Variants in CELF6 observed in about 807,000 individuals in gnomAD.
The protein encoded by CELF6 is CUGBP Elav-like family member 6.
CELF6 carries 32 observed loss-of-function variants against 53.1 expected under a neutral mutation model. The ratio of observed to expected loss-of-function variants is 0.60; its 90% CI spans 0.46 to 0.81. The LOEUF (loss-of-function observed/expected upper bound fraction) is 0.81. Among genes scored for constraint, CELF6 ranks in the 30% least tolerant of loss-of-function variants. The pLI, the probability that CELF6 is intolerant of heterozygous loss-of-function variation, is 0.00. For missense variants in CELF6, 539 were observed against 669.5 expected, an observed-to-expected ratio of 0.81 and a Z score of 2.15; for synonymous variants, 291 against 288.8, an observed-to-expected ratio of 1.01 and a Z score of -0.08.
chr15:72,313,747 A>G, intron 2 of CELF6: 1 of 982,136 alleles, frequency 1.0e-6, no homozygotes, highest in Non-Finnish European at 1.2e-6. Context: ...CAGTTCTAGA[A>G]GCAGAAGTCA....
In CELF6 at chr15:72,289,912, C is replaced by G; in HGVS notation, c.603+27G>C. 1 of 1,545,432 alleles carries G rather than the reference C, an allele frequency of 6.5e-7. No homozygotes were observed. The highest frequency in any genetic ancestry group is 8.7e-7 in the Non-Finnish European group (1 of 1,148,276). ...GCCCGTCCCCACCCCACTGGCCTCA[C>G]CCTCAGCCCAGGGAACCCGCCCTCA... On this transcript the variant is annotated intron_variant, in intron 5 of 12. Transcript: ENST00000287202. This position sits in a 1 kb window ranked among gnomAD's most constrained non-coding sequence, Gnocchi z 7.6.
At chr15:72,313,633 C>T (rs2088327923) in intron 2 of CELF6, 2 of 308,624 alleles carry the variant, frequency 6.5e-6, no homozygotes, top group Non-Finnish European at 9.5e-6. Context: ...CGTGGGCCTC[C>T]CCCACAGTGC....
chr15:72,303,584 T>G (rs966866955), intron 3 of CELF6, among the ~76,000 whole-genome samples: 24 of 152,298 alleles, frequency 1.6e-4, no homozygotes, highest in Non-Finnish European at 2.2e-4. Context: ...TGGGTTCCAT[T>G]CTGTTCCTGA....
chr15:72,288,744 T>G lies in CELF6; in HGVS notation c.1093+124A>C. The G allele has an allele frequency of 3.0e-6, 4 of 1,348,996 alleles. No individual in the cohort carries two copies. The highest frequency in any genetic ancestry group is 4.2e-6 in the Non-Finnish European group (4 of 960,320). The allele number at this position is 1,348,996 out of a possible 1,614,324, so 83.6% of individuals were successfully genotyped here. A position where few individuals can be genotyped will look rare whatever the true frequency, so the allele number is the denominator to read the frequency against. On this transcript the variant is annotated intron_variant, in intron 9 of 12. Coordinates refer to ENST00000287202, the MANE Select transcript of CELF6 (RefSeq NM_052840.5). This position sits in a 1 kb window ranked among gnomAD's most constrained non-coding sequence, Gnocchi z 4.6. ...ATAACCCTCACCCCAAGAGAGGTCGTTCTGGGGGTAGGAGGGGATGGGAGG... is the reference window on the plus strand; with the variant it reads ...ATAACCCTCACCCCAAGAGAGGTCGGTCTGGGGGTAGGAGGGGATGGGAGG...
At chr15:72,316,916 G>C (rs1016882150) in intron 1 of CELF6, among the ~76,000 whole-genome samples, 5 of 152,166 alleles carry the variant, frequency 3.3e-5, no homozygotes, top group Admixed American at 1.3e-4. Flanking sequence ...AAGTCCAAAG[G>C]GTTGAGTAAT....
chr15:72,303,448 C>T (rs905021346), intron 3 of CELF6, among the ~76,000 whole-genome samples: 5 of 152,198 alleles, frequency 3.3e-5, no homozygotes, highest in African/African-American at 1.2e-4. Context: ...GGAAGTATTT[C>T]TTGGAGGAAC....
At chr15:72,314,625 C>T (rs2088340117) in intron 2 of CELF6, among the ~76,000 whole-genome samples, 1 of 119,060 alleles carries the variant, frequency 8.4e-6, no homozygotes, top group Admixed American at 9.2e-5. Flanking sequence ...GACTGAGTCT[C>T]ACTTTGTTGC....
chr15:72,292,322 T>G, intron 3 of CELF6: 2 of 1,268,380 alleles, frequency 1.6e-6, no homozygotes, highest in Non-Finnish European at 2.2e-6. Flanking sequence ...TGGCTTTGCC[T>G]TGACATTGGA....
chr15:72,290,637 G>C (rs1210742407), intron 3 of CELF6, among the ~76,000 whole-genome samples: 1 of 152,192 alleles, frequency 6.6e-6, no homozygotes, highest in Non-Finnish European at 1.5e-5. Flanking sequence ...GTACTATTAA[G>C]GAAGCGGGTG....
intron 3 of CELF6, among the ~76,000 whole-genome samples, 184 bp downstream of exon 3, chr15:72,304,562 C>T (rs1284089262): frequency 6.6e-6 from 1 of 152,118 alleles, no homozygotes; most frequent in Non-Finnish European, 1.5e-5. Flanking sequence ...CTCCCCAGAA[C>T]CCCAGCCCTG....
intron 3 of CELF6, among the ~76,000 whole-genome samples, chr15:72,298,882 C>A (rs997348676): frequency 6.6e-6 from 1 of 151,932 alleles, no homozygotes; most frequent in Non-Finnish European, 1.5e-5. Flanking sequence ...TTATTTCTGA[C>A]CTCATATAAT....
At position 72,288,328 on chromosome 15, in the gene CELF6, G is replaced by A. The variant is rs1328873555; in HGVS notation, c.1298C>T (p.Thr433Ile). The A allele has an allele frequency of 6.2e-7, 1 of 1,614,068 alleles. No individual in the cohort carries two copies. The highest frequency in any genetic ancestry group is 8.5e-7 in the Non-Finnish European group (1 of 1,180,034). ...VSAKVFVDRA[T>I]NQSKCFGFVS... ...CTCACCAAAACACTTGCTCTGGTTG[G>A]TGGCTCGATCCACAAAGACTTTAGC... is the stretch of plus-strand genomic sequence containing the variant. The change falls in exon 11 of 13, where the codon ACC (threonine) becomes ATC (isoleucine). Residue 433 changes from threonine to isoleucine, a missense_variant. Physicochemically the swap from Thr to Ile is moderately conservative, Grantham distance 89. Transcript: ENST00000287202. This position sits in a 1 kb window ranked among gnomAD's most constrained non-coding sequence, Gnocchi z 4.6.
Position 72,287,223 on chromosome 15 carries a change from C to T in CELF6, c.*28+14G>A. The T allele has an allele frequency of 6.2e-7, 1 of 1,605,656 alleles. No individual in the cohort carries two copies. ...ACTCAGGCCTCATCTACCTGGGGTC[C>T]ATCAGGGACTCACCTTTCTGTGGCT... On this transcript the variant is annotated intron_variant, in intron 12 of 12. Coordinates refer to ENST00000287202, the MANE Select transcript of CELF6 (RefSeq NM_052840.5).
At chr15:72,294,229 G>T (rs796437256) in intron 3 of CELF6, among the ~76,000 whole-genome samples, 10 of 152,296 alleles carry the variant, frequency 6.6e-5, no homozygotes, top group African/African-American at 2.4e-4. Flanking sequence ...TTCCTAAGTT[G>T]TTCAAGTTTC....
chr15:72,289,846 A>G lies in CELF6; in HGVS notation c.604-76T>C. On this transcript the variant is annotated intron_variant, in intron 5 of 12. Transcript: ENST00000287202. The surrounding 1 kb of genome is among the most constrained non-coding windows in gnomAD (Gnocchi z 7.6). Reference sequence around the variant, plus strand: ...CCCGGGGCCGAGCGCCTTTCCCATCAGGTCCTTTCGCGGGGCACCGAGCAC... The same window carrying G: ...CCCGGGGCCGAGCGCCTTTCCCATCGGGTCCTTTCGCGGGGCACCGAGCAC... The G allele has an allele frequency of 6.7e-7, 1 of 1,493,670 alleles. No homozygotes were observed. Among genetic ancestry groups the G allele is most frequent in the Non-Finnish European group, 8.9e-7 (1 of 1,124,714 alleles). The allele number at this position is 1,493,670 out of a possible 1,614,324, so 92.5% of individuals were successfully genotyped here. A position where few individuals can be genotyped will look rare whatever the true frequency, so the allele number is the denominator to read the frequency against.
At position 72,290,024 on chromosome 15, in the gene CELF6, G is replaced by GA. The variant is rs751418072; in HGVS notation, c.524-7_524-6insT. On this transcript the variant is annotated splice_region_variant and splice_polypyrimidine_tract_variant and intron_variant, in intron 4 of 12. Transcript: ENST00000287202. ...GAACTTCACAAAGGCACAGCCTGGG[G>GA]CAGGACAGAGGGAGCGGGTGGCTCA... is the stretch of plus-strand genomic sequence containing the variant. 6.2e-7 allele frequency: 1 copy of GA among 1,611,200 alleles called. No homozygotes were observed. Among genetic ancestry groups the GA allele is most frequent in the Admixed American group, 1.7e-5 (1 of 59,714 alleles).
intron 3 of CELF6, among the ~76,000 whole-genome samples, chr15:72,300,852 A>G (rs8039620): frequency 0.97 from 147,090 of 151,616 alleles, 71,505 homozygotes; most frequent in South Asian, 1. Context: ...AAAAAAAAAA[A>G]CTCATGTGTG....
chr15:72,294,238 T>C (rs76713782), intron 3 of CELF6, among the ~76,000 whole-genome samples: 3,318 of 152,280 alleles, frequency 0.022, 69 homozygotes, highest in African/African-American at 0.052. Flanking sequence ...TGTTCAAGTT[T>C]CTTGTTTTCT....
Position 72,290,145 on chromosome 15 carries a change from G to A in CELF6, c.505C>T (p.Pro169Ser), listed in dbSNP as rs375713379. 2.2e-5 allele frequency: 35 copies of A among 1,613,974 alleles called. 2 individuals carry two copies. Among genetic ancestry groups the A allele is most frequent in the South Asian group, 1.8e-4 (16 of 91,070 alleles). The change falls in exon 4 of 13, where the codon CCT becomes TCT. Residue 169 changes from proline to serine, a missense_variant. Around this residue, in one of 3 missense-constraint regions of CELF6, gnomAD observed 97 missense variants for 168.8 expected, o/e 0.57. Coordinates refer to ENST00000287202, the MANE Select transcript of CELF6 (RefSeq NM_052840.5). The stretch of plus-strand genomic sequence containing the variant: ...AGGTCACCTTTACTGGTGCCGTCAG[G>A]ACTCCGCAGGACCGTGCACTCCTCG... ...HIEECTVLRS[P>S]DGTSKGCAFV...
Sources: allele counts gnomAD v4.1 joint callset (sites outside exome capture counted in the v4.1 genomes callset), GRCh38; gene constraint gnomAD v4.1.1; regional missense constraint gnomAD v4.1.1; non-coding constraint Gnocchi (gnomAD v3.1); transcripts MANE v1.5; gene names NCBI Gene and HGNC (gene_info 2026-07-23, HGNC 2026-07-21).